Variants in PCDH15 observed in about 807,000 individuals in gnomAD.
PCDH15 encodes protocadherin related 15.
Under a neutral mutation model 178.5 loss-of-function variants are expected in PCDH15, and 129 were observed. The observed-to-expected ratio is 0.72, with a 90% CI of 0.63 to 0.84. The LOEUF is 0.84. Among genes scored for constraint, PCDH15 ranks in the 40% least tolerant of loss-of-function variants. PCDH15 has a pLI of 0.00. For synonymous variants in PCDH15, 800 were observed against 732.0 expected (o/e 1.09, Z -1.50); for missense variants, 2,230 against 2,099.9 (o/e 1.06, Z -1.21).
chr10:54,821,180 C>A (rs1331617840), intron 3 of PCDH15, among the ~76,000 whole-genome samples: 2 of 151,894 alleles, frequency 1.3e-5, no homozygotes, highest in East Asian at 3.9e-4. Flanking sequence ...CTAATGCAAC[C>A]GTGCATAATG....
At chr10:54,998,365 G>A (rs1839701449) in intron 2 of PCDH15, among the ~76,000 whole-genome samples, 1 of 151,706 alleles carries the variant, frequency 6.6e-6, no homozygotes, top group Admixed American at 6.6e-5. Context: ...TTGTGCACAT[G>A]TATCCTGAAA....
chr10:55,462,018 G>T (rs932806208), intron 2 of PCDH15, among the ~76,000 whole-genome samples: 1 of 152,084 alleles, frequency 6.6e-6, no homozygotes, highest in Non-Finnish European at 1.5e-5. Context: ...GGCTGTGAAA[G>T]AGTCGTGGTT....
intron 3 of PCDH15, among the ~76,000 whole-genome samples, chr10:54,865,578 C>T (rs1176641966): frequency 6.6e-6 from 1 of 152,094 alleles, no homozygotes; most frequent in African/African-American, 2.4e-5. Context: ...AAACCACCCC[C>T]GGGATCCAAT....
At chr10:54,927,632 T>C (rs1212704463) in intron 2 of PCDH15, among the ~76,000 whole-genome samples, 1 of 152,156 alleles carries the variant, frequency 6.6e-6, no homozygotes, top group East Asian at 1.9e-4. Flanking sequence ...ATTGGGTACA[T>C]ATATATTTAG....
At chr10:55,438,657 G>A (rs940556430) in intron 2 of PCDH15, among the ~76,000 whole-genome samples, 1 of 151,100 alleles carries the variant, frequency 6.6e-6, no homozygotes, top group African/African-American at 2.4e-5. Context: ...TTAAGAATGA[G>A]GAATATTGAG....
In PCDH15 at chr10:54,772,222, C is replaced by T. The variant is rs534367767; in HGVS notation, c.-29+28703G>A. On this transcript the variant is annotated intron_variant, in intron 1 of 37. Coordinates refer to ENST00000644397, the MANE Select transcript of PCDH15 (RefSeq NM_001384140.1). ...AGTTACTTGTATTTTATTGGCTCTT[C>T]GGCTACATTCCAAAACTTAAGCAAG... 3.9e-5 allele frequency among the ~76,000 whole-genome samples: 6 copies of T among 152,026 alleles called. 1 individual carries two copies. Among genetic ancestry groups the T allele is most frequent in the Admixed American group, 1.3e-4 (2 of 15,252 alleles).
chr10:54,406,980 T>A (rs1293196674), intron 3 of PCDH15, among the ~76,000 whole-genome samples: 1 of 152,166 alleles, frequency 6.6e-6, no homozygotes, highest in Non-Finnish European at 1.5e-5. Context: ...GCAGAACTTG[T>A]GTCTAACAAA....
intron 18 of PCDH15, among the ~76,000 whole-genome samples, chr10:54,030,337 A>C (rs2093256832): frequency 6.6e-6 from 1 of 150,490 alleles, no homozygotes; most frequent in African/African-American, 2.4e-5. Context: ...TAAAATTATT[A>C]TCTATTAACT....
chr10:55,336,124 G>GAAA lies in PCDH15; in HGVS notation c.-155-169476_-155-169474dup, dbSNP rs748988261. Among the ~76,000 whole-genome samples the GAAA allele has an allele frequency of 1.2e-3, 69 of 59,292 alleles. 2 individuals carry two copies. Among genetic ancestry groups the GAAA allele is most frequent in the African/African-American group, 2.7e-3 (45 of 16,896 alleles). The allele number at this position is 59,292 out of a possible 152,430, so 38.9% of individuals were successfully genotyped here. A position where few individuals can be genotyped will look rare whatever the true frequency, so the allele number is the denominator to read the frequency against. On this transcript the variant is annotated intron_variant, in intron 2 of 5. Coordinates refer to the PCDH15 transcript ENST00000613346. ...CCCAAAATATGGCACCTTGGTATTT[G>GAAA]AAAAAAAAAAAAAAAAAAAAAAAAA...
intron 23 of PCDH15, among the ~76,000 whole-genome samples, chr10:53,947,811 TCAG>T (rs1290490732): frequency 6.6e-6 from 1 of 152,232 alleles, no homozygotes; most frequent in Non-Finnish European, 1.5e-5. Context: ...TTGCTTCTAT[TCAG>T]TTCCTTAAAG....
chr10:54,156,636 T>C (rs2045180866), intron 13 of PCDH15, among the ~76,000 whole-genome samples: 1 of 152,196 alleles, frequency 6.6e-6, no homozygotes, highest in Admixed American at 6.5e-5. Context: ...ATTCCAACCC[T>C]GGCCCCTCCC....
intron 3 of PCDH15, among the ~76,000 whole-genome samples, chr10:54,519,253 G>T (rs1454268120): frequency 6.6e-6 from 1 of 152,148 alleles, no homozygotes; most frequent in Non-Finnish European, 1.5e-5. Flanking sequence ...ATTCAATTAG[G>T]AAAAGAGGAA....
intron 33 of PCDH15, chr10:53,818,446 C>G (rs1239794265): frequency 6.6e-6 from 1 of 152,520 alleles, no homozygotes; most frequent in Non-Finnish European, 1.5e-5. Context: ...AAAATTATGT[C>G]TATGATTGAA....
chr10:54,317,138 G>T, intron 8 of PCDH15, 133 bp downstream of exon 8: 3 of 900,076 alleles, frequency 3.3e-6, no homozygotes, highest in Non-Finnish European at 5.2e-6. Flanking sequence ...AAATAGTTTC[G>T]GACATAAATA....
chr10:53,871,234 G>A (rs1011311305), intron 26 of PCDH15, among the ~76,000 whole-genome samples: 23 of 151,708 alleles, frequency 1.5e-4, no homozygotes, highest in Non-Finnish European at 2.8e-4. Context: ...CCAGCTACTC[G>A]GGAGGCTAAG....
chr10:55,250,534 C>CTTTTTTT (rs777000807), intron 1 of PCDH15, among the ~76,000 whole-genome samples: 4 of 107,986 alleles, frequency 3.7e-5, no homozygotes, highest in African/African-American at 7.4e-5. Context: ...TAAATAAATT[C>CTTTTTTT]TTTTTTTTTT....
Position 54,178,042 on chromosome 10 carries a change from G to A in PCDH15, c.1590+5402C>T, listed in dbSNP as rs75115536. Reference sequence around the variant, plus strand: ...TGAAAAAGAGAAGAAGTATATATACGTATTTGAAGAACGTTAATTTTTAAA... The same window carrying A: ...TGAAAAAGAGAAGAAGTATATATACATATTTGAAGAACGTTAATTTTTAAA... On this transcript the variant is annotated intron_variant, in intron 13 of 37. Coordinates refer to ENST00000644397, the MANE Select transcript of PCDH15 (RefSeq NM_001384140.1). Among the ~76,000 whole-genome samples, 538 of 152,124 alleles carry A rather than the reference G, an allele frequency of 3.5e-3. 4 individuals carry two copies. The highest frequency in any genetic ancestry group is 0.024 in the Middle Eastern group (7 of 294).
intron 1 of PCDH15, among the ~76,000 whole-genome samples, chr10:55,207,701 G>C (rs1840440099): frequency 6.6e-6 from 1 of 152,138 alleles, no homozygotes; most frequent in Non-Finnish European, 1.5e-5. Flanking sequence ...GGATGCCATG[G>C]CTTACGCCTG....
intron 2 of PCDH15, among the ~76,000 whole-genome samples, chr10:55,518,154 T>C (rs1008211859): frequency 6.6e-6 from 1 of 152,146 alleles, no homozygotes; most frequent in Non-Finnish European, 1.5e-5. Flanking sequence ...CCCACTGTTG[T>C]AATGTTTCAC....
Sources: allele counts gnomAD v4.1 joint callset (sites outside exome capture counted in the v4.1 genomes callset), GRCh38; gene constraint gnomAD v4.1.1; transcripts MANE v1.5; gene names NCBI Gene and HGNC (gene_info 2026-07-23, HGNC 2026-07-21).